IFFO1: variants seen among roughly 807,000 people sequenced by gnomAD.
IFFO1 encodes the protein intermediate filament family orphan 1.
A neutral mutation model predicts 59.6 loss-of-function variants in IFFO1; 42 were observed. The observed-to-expected ratio is 0.70, with a 90% CI of 0.55 to 0.91. The LOEUF (loss-of-function observed/expected upper bound fraction) is 0.91, where lower values mean the gene tolerates loss of function less well. IFFO1 is among the 40% of genes least tolerant of loss of function. The pLI is 0.00. For missense variants in IFFO1, 711 were observed against 793.2 expected (o/e 0.90, Z 1.24); for synonymous variants, 336 against 342.8 (o/e 0.98, Z 0.22).
At chr12:6,552,252 C>T (rs980873462) in intron 1 of IFFO1, among the ~76,000 whole-genome samples, 4 of 152,152 alleles carry the variant, frequency 2.6e-5, no homozygotes, top group Non-Finnish European at 4.4e-5. Context: ...CATTCACAGC[C>T]GCACTGCAGT....
intron 8 of IFFO1, among the ~76,000 whole-genome samples, chr12:6,546,566 C>G (rs1281195361): frequency 6.6e-6 from 1 of 152,224 alleles, no homozygotes; most frequent in Non-Finnish European, 1.5e-5. Context: ...TCACTGCAAG[C>G]TCCGCCTCCC....
rs1392068940 is a variant in IFFO1, at chr12:6,548,371, C to T, written c.1383+54G>A. ...GCAAGGAGAGGAGCGGGGGAGTGGG[C>T]TTCAGGCTGGAGAGGCAGAGCCAGA... On this transcript the variant is annotated intron_variant, in intron 7 of 9. Coordinates refer to ENST00000619571, the MANE Select transcript of IFFO1 (RefSeq NM_001193457.2). The surrounding 1 kb of genome is among the most constrained non-coding windows in gnomAD (Gnocchi z 6.1). 6.4e-6 allele frequency: 10 copies of T among 1,570,930 alleles called. No individual in the cohort carries two copies. Among genetic ancestry groups the T allele is most frequent in the East Asian group, 2.2e-5 (1 of 44,610 alleles).
Position 6,540,494 on chromosome 12 carries a change from A to G in IFFO1, c.1705T>C (p.Ser569Pro). 1 of 1,613,720 alleles carries G rather than the reference A, an allele frequency of 6.2e-7. No individual in the cohort carries two copies. The highest frequency in any genetic ancestry group is 1.7e-5 in the Admixed American group (1 of 60,026). The change falls in exon 10 of 10, where the codon TCC becomes CCC. Residue 569 changes from serine to proline, a missense_variant. Physicochemically the swap from Ser to Pro is moderately conservative, Grantham distance 74 (BLOSUM62 -1). Transcript: ENST00000619571. ...DSDRDVSSDS[S>P]MR ...GGGGAGGCAGGTCTCTATCTCATGG[A>G]GCTGTCAGATGAGACATCGCGATCG...
At chr12:6,554,208 T>G (rs1054753378) in intron 1 of IFFO1, among the ~76,000 whole-genome samples, 16 of 152,180 alleles carry the variant, frequency 1.1e-4, no homozygotes, top group Admixed American at 1.0e-3. Flanking sequence ...CCTCACCCAG[T>G]GCTGAATCTC....
In IFFO1 at chr12:6,556,003, G is replaced by A; in HGVS notation, c.27C>T (p.Leu9=). 4 of 1,581,020 alleles carry A rather than the reference G, an allele frequency of 2.5e-6. No individual in the cohort carries two copies. The highest frequency in any genetic ancestry group is 3.4e-6 in the Non-Finnish European group (4 of 1,171,314). ...CCTGCTGCTCCTGCTGCAGGAGGAAGAGGTTGGGGCCGAATAACGGATTCA... is the reference window on the plus strand; with the variant it reads ...CCTGCTGCTCCTGCTGCAGGAGGAAAAGGTTGGGGCCGAATAACGGATTCA... MNPLFGPN[L]FLLQQEQQGL... is the part of the protein sequence containing the mutation. The change falls in exon 1 of 10, where the codon CTC becomes CTT. Residue 9 remains leucine, a synonymous_variant. Coordinates refer to ENST00000619571, the MANE Select transcript of IFFO1 (RefSeq NM_001193457.2).
intron 3 of IFFO1, chr12:6,550,445 C>T (rs1336529427): frequency 2.5e-5 from 14 of 550,952 alleles, no homozygotes; most frequent in Non-Finnish European, 4.2e-5. Context: ...GCCTCCACCC[C>T]AGAAGCTGCT....
intron 8 of IFFO1, among the ~76,000 whole-genome samples, chr12:6,543,088 C>T (rs988936824): frequency 7.2e-5 from 11 of 152,020 alleles, no homozygotes; most frequent in East Asian, 3.9e-4. Flanking sequence ...GGGGGTGGGA[C>T]GGGAGGAGAC....
Position 6,540,562 on chromosome 12 carries a change from G to C in IFFO1, c.1637C>G (p.Pro546Arg), listed in dbSNP as rs778790230. Residue 546 changes from proline (P) to arginine (R), a missense_variant, in exon 10 of 10, where the codon CCG (proline) becomes CGG (arginine). Coordinates refer to ENST00000619571, the MANE Select transcript of IFFO1 (RefSeq NM_001193457.2). ...TGGCGGCGGCGGCGGGTCGCTAAGCGGGACCGCAGTGAAAGCAGGAGACTT... is the reference window on the plus strand; with the variant it reads ...TGGCGGCGGCGGCGGGTCGCTAAGCCGGACCGCAGTGAAAGCAGGAGACTT... Reference protein sequence around the residue: ...DRKSPAFTAVPLSDPPPPPSE... With the variant: ...DRKSPAFTAVRLSDPPPPPSE... 4.3e-6 allele frequency: 7 copies of C among 1,613,876 alleles called. No homozygotes were observed. Among genetic ancestry groups the C allele is most frequent in the East Asian group, 2.2e-5 (1 of 44,884 alleles).
At chr12:6,551,382 C>A in intron 1 of IFFO1, 1 of 1,298,654 alleles carries the variant, frequency 7.7e-7, no homozygotes, top group Non-Finnish European at 1.0e-6. Context: ...CAGGTCCACC[C>A]GGCCCAGTCT....
rs1272498045 is a variant in IFFO1 at position 6,555,426 on chromosome 12, C to A, written c.604G>T (p.Ala202Ser). 3 of 1,613,878 alleles carry A rather than the reference C, an allele frequency of 1.9e-6. No homozygotes were observed. The highest frequency in any genetic ancestry group is 1.3e-5 in the African/African-American group (1 of 75,026). Residue 202 changes from alanine (A) to serine (S), a missense_variant, in exon 1 of 10, where the codon GCC (alanine) becomes TCC (serine). By Grantham distance (99) the Ala-to-Ser change is moderately conservative. Transcript: ENST00000619571. This position sits in a 1 kb window ranked among gnomAD's most constrained non-coding sequence, Gnocchi z 8.6. ...MPGTIWSFSH[A>S]RRLGPGLEPT... ...TCCAGTCCCGGCCCGAGCCGGCGGG[C>A]GTGCGAGAACGACCAGATGGTGCCG...
At chr12:6,550,459 T>C in intron 3 of IFFO1, 6 of 563,906 alleles carry the variant, frequency 1.1e-5, no homozygotes. Flanking sequence ...AGCTGCTCAC[T>C]AACTGCTCTG....
Position 6,555,911 on chromosome 12 carries a change from G to A in IFFO1, c.119C>T (p.Pro40Leu), listed in dbSNP as rs369121890. 11 of 1,552,482 alleles carry A rather than the reference G, an allele frequency of 7.1e-6. No individual in the cohort carries two copies. The highest frequency in any genetic ancestry group is 4.7e-5 in the East Asian group (2 of 42,166). The change falls in exon 1 of 10, where the codon CCG becomes CTG. Residue 40 changes from proline to leucine, a missense_variant. This residue lies in a region of IFFO1 where 114 missense variants were observed against 102.4 expected (regional missense o/e 1.11). Coordinates refer to ENST00000619571, the MANE Select transcript of IFFO1 (RefSeq NM_001193457.2). The surrounding 1 kb of genome is among the most constrained non-coding windows in gnomAD (Gnocchi z 8.6). Reference protein sequence around the residue: ...DHFAGGGDLPPAPLSPAGPAA... With the variant: ...DHFAGGGDLPLAPLSPAGPAA... ...AGGGCCGGCCGGCGAGAGAGGCGCC[G>A]GGGGCAAGTCTCCTCCCCCGGCGAA...
In IFFO1 at chr12:6,555,293, G is replaced by C; in HGVS notation, c.737C>G (p.Ala246Gly). The C allele has an allele frequency of 6.2e-7, 1 of 1,614,058 alleles. No individual in the cohort carries two copies. Among genetic ancestry groups the C allele is most frequent in the Non-Finnish European group, 8.5e-7 (1 of 1,180,002 alleles). The change falls in exon 1 of 10, where the codon GCC (alanine) becomes GGC (glycine). Residue 246 changes from alanine (A) to glycine (G), a missense_variant. By Grantham distance (60) the Ala-to-Gly change is moderately conservative (BLOSUM62 0). Transcript: ENST00000619571. The surrounding 1 kb of genome is among the most constrained non-coding windows in gnomAD (Gnocchi z 8.6). ...CTCGTCCCGCTCCCGCTTCACTTTGGCCAGCACGTTGTAGAGAGCGCGGAT... is the reference window on the plus strand; with the variant it reads ...CTCGTCCCGCTCCCGCTTCACTTTGCCCAGCACGTTGTAGAGAGCGCGGAT... The part of the protein sequence containing the change: ...PEIRALYNVL[A>G]KVKRERDEYK...
In IFFO1 at chr12:6,555,347, C is replaced by A. The variant is rs1947389708; in HGVS notation, c.683G>T (p.Gly228Val). ...GLSWVHPDGV[G>V]VQIDTITPEI... ...GGGCGTGATGGTGTCGATCTGGACG[C>A]CCACCCCATCCGGGTGCACCCACGA... The change falls in exon 1 of 10, where the codon GGC (glycine) becomes GTC (valine). Residue 228 changes from glycine to valine, a missense_variant. Transcript: ENST00000619571. The surrounding 1 kb of genome is among the most constrained non-coding windows in gnomAD (Gnocchi z 8.6). 1 of 1,614,078 alleles carries A rather than the reference C, an allele frequency of 6.2e-7. No individual in the cohort carries two copies. The highest frequency in any genetic ancestry group is 1.3e-5 in the African/African-American group (1 of 74,926).
rs778608331 is a variant in IFFO1, at chr12:6,540,446, G to A, written c.*37C>T. ...CACCCTCTGCCTCGCTGAGCTCCCT[G>A]CTGCGAGGGCCTCGGGTGCAAGGGG... is the stretch of plus-strand genomic sequence containing the variant. On this transcript the variant is annotated 3_prime_UTR_variant, in exon 10 of 10. Transcript: ENST00000619571. 8 of 1,531,090 alleles carry A rather than the reference G, an allele frequency of 5.2e-6. No homozygotes were observed. The African/African-American group carries it at 5.5e-5, about 10-fold the overall frequency. The allele number at this position is 1,531,090 out of a possible 1,614,324, so 94.8% of individuals were successfully genotyped here. A position where few individuals can be genotyped will look rare whatever the true frequency, so the allele number is the denominator to read the frequency against.
chr12:6,548,339 G>T lies in IFFO1; in HGVS notation c.1383+86C>A. 1 of 1,488,574 alleles carries T rather than the reference G, an allele frequency of 6.7e-7. No individual in the cohort carries two copies. The allele number at this position is 1,488,574 out of a possible 1,614,324, so 92.2% of individuals were successfully genotyped here. ...GGTAGAGGATGACAGCCACATGGGG[G>T]GACAGAGCAAGGAGAGGAGCGGGGG... On this transcript the variant is annotated intron_variant, in intron 7 of 9. Transcript: ENST00000619571. The surrounding 1 kb of genome is among the most constrained non-coding windows in gnomAD (Gnocchi z 6.1).
chr12:6,552,294 G>A (rs955031980), intron 1 of IFFO1, among the ~76,000 whole-genome samples: 4 of 151,802 alleles, frequency 2.6e-5, no homozygotes, highest in Non-Finnish European at 4.4e-5. Context: ...ACATCACCTC[G>A]ACTGCCCCTC....
In IFFO1 at chr12:6,540,285, G is replaced by A; in HGVS notation, c.*198C>T. On this transcript the variant is annotated 3_prime_UTR_variant, in exon 10 of 10. Coordinates refer to ENST00000619571, the MANE Select transcript of IFFO1 (RefSeq NM_001193457.2). Reference sequence around the variant, plus strand: ...GGTGGAAATGGCCCCAGAATGGTAGGGCCAAGCCTAGCTCCAGACACCCCA... The same window carrying A: ...GGTGGAAATGGCCCCAGAATGGTAGAGCCAAGCCTAGCTCCAGACACCCCA... 1.7e-6 allele frequency: 1 copy of A among 596,740 alleles called. No individual in the cohort carries two copies. The highest frequency in any genetic ancestry group is 4.4e-4 in the Middle Eastern group (1 of 2,260). 37.0% of individuals were successfully genotyped at this position (596,740 alleles called of 1,614,324 possible). A position where few individuals can be genotyped will look rare whatever the true frequency, so the allele number is the denominator to read the frequency against.
At chr12:6,552,545 T>C (rs7306500) in intron 1 of IFFO1, among the ~76,000 whole-genome samples, 56,137 of 152,066 alleles carry the variant, frequency 0.37, 11,610 homozygotes, top group African/African-American at 0.55. Context: ...TCTTCATCTA[T>C]GATGTGAAGG....
Sources: gnomAD v4.1 joint callset for allele counts (sites outside exome capture counted in the v4.1 genomes callset) on GRCh38, gnomAD v4.1.1 for gene constraint, gnomAD v4.1.1 regional missense constraint, Gnocchi (gnomAD v3.1) non-coding constraint, MANE v1.5 for transcripts, NCBI Gene and HGNC (gene_info 2026-07-23, HGNC 2026-07-21) for gene names.